Variants in DAAM1 observed in about 807,000 individuals in gnomAD.
DAAM1 encodes the protein disheveled-associated activator of morphogenesis 1.
DAAM1 carries 52 observed loss-of-function variants against 130.0 expected under a neutral mutation model. The ratio of observed to expected loss-of-function variants is 0.40; its 90% confidence interval spans 0.32 to 0.50. DAAM1 has a LOEUF of 0.50. Ranked by LOEUF, DAAM1 falls within the 20% of genes least tolerant of loss-of-function variation. The probability of loss-of-function intolerance (pLI) is 0.61; values close to 1 mark genes in which losing one functional copy is unlikely to be tolerated. For missense variants in DAAM1, 1,134 were observed against 1,303.8 expected (o/e 0.87, Z 2.01); for synonymous variants, 452 against 444.5 (o/e 1.02, Z -0.21).
At chr14:59,320,781 C>A (rs979360285) in intron 5 of DAAM1, among the ~76,000 whole-genome samples, 197 bp downstream of exon 5, 11 of 151,434 alleles carry the variant, frequency 7.3e-5, no homozygotes, top group African/African-American at 2.7e-4. Flanking sequence ...TAAAAAAAAA[C>A]AAAACAGAGA....
At chr14:59,288,057 C>G (rs1883541746) in intron 2 of DAAM1, among the ~76,000 whole-genome samples, 1 of 152,152 alleles carries the variant, frequency 6.6e-6, no homozygotes, top group South Asian at 2.1e-4. Flanking sequence ...CATCATGGTA[C>G]TGGTATAAAA....
chr14:59,275,895 G>A (rs1566679901), intron 2 of DAAM1, among the ~76,000 whole-genome samples: 1 of 152,122 alleles, frequency 6.6e-6, no homozygotes, highest in Non-Finnish European at 1.5e-5. Context: ...GAGTCATATT[G>A]TGGTATTTCA....
At chr14:59,330,746 C>A in intron 13 of DAAM1, 58 bp downstream of exon 13, 1 of 1,501,884 alleles carries the variant, frequency 6.7e-7, no homozygotes, top group South Asian at 1.3e-5. Flanking sequence ...CCCTAGAGCC[C>A]CTCACCCTTA....
At position 59,347,604 on chromosome 14, in the gene DAAM1, C is replaced by T. The variant is rs776038942; in HGVS notation, c.2141C>T (p.Pro714Leu). The change falls in exon 17 of 25, where the codon CCC becomes CTC. Residue 714 changes from proline (P) to leucine (L), a missense_variant. Coordinates refer to ENST00000360909, the MANE Select transcript of DAAM1 (RefSeq NM_001270520.2). ...ILTMDEQEDL[P>L]KDMLEQLLKF... ...ACAATGGACGAACAGGAAGATCTGC[C>T]CAAGGACATGTTGGAACAGGTGAGC... is the stretch of plus-strand genomic sequence containing the variant. The T allele has an allele frequency of 5.0e-6, 8 of 1,613,700 alleles. No homozygotes were observed. In the South Asian group the frequency reaches 8.8e-5, roughly 18 times the overall value.
chr14:59,311,576 C>G lies in DAAM1; in HGVS notation c.274-3704C>G, dbSNP rs577209140. Among the ~76,000 whole-genome samples, 571 of 150,494 alleles carry G rather than the reference C, an allele frequency of 3.8e-3. 5 individuals carry two copies. Among genetic ancestry groups the G allele is most frequent in the African/African-American group, 0.013 (521 of 40,788 alleles). ...AAGTTAAAAAAAAAAAAAAAGAAAACCTTCCCTTCTGTTATCCAGAGGTAG... is the reference window on the plus strand; with the variant it reads ...AAGTTAAAAAAAAAAAAAAAGAAAAGCTTCCCTTCTGTTATCCAGAGGTAG... On this transcript the variant is annotated intron_variant, in intron 3 of 24. Transcript: ENST00000360909.
At chr14:59,340,943 A>G (rs1472877552) in intron 16 of DAAM1, among the ~76,000 whole-genome samples, 1 of 152,244 alleles carries the variant, frequency 6.6e-6, no homozygotes, top group Non-Finnish European at 1.5e-5. Flanking sequence ...GGCTTTAAAG[A>G]TAAGTTACAT....
At chr14:59,218,833 T>G (rs1015212072) in intron 1 of DAAM1, among the ~76,000 whole-genome samples, 10 of 152,212 alleles carry the variant, frequency 6.6e-5, no homozygotes, top group Admixed American at 5.9e-4. Flanking sequence ...ATTCACAAGT[T>G]ATAAATTTAT....
At chr14:59,328,791 C>G (rs72726383) in intron 12 of DAAM1, among the ~76,000 whole-genome samples, 5,982 of 152,232 alleles carry the variant, frequency 0.039, 178 homozygotes, top group Admixed American at 0.08. Flanking sequence ...AGAAAATCAC[C>G]AATGTCAGTG....
At chr14:59,226,008 G>A (rs1888932973) in intron 1 of DAAM1, among the ~76,000 whole-genome samples, 1 of 152,140 alleles carries the variant, frequency 6.6e-6, no homozygotes, top group Admixed American at 6.5e-5. Flanking sequence ...CAACTCTAAG[G>A]AGTCTAATGC....
chr14:59,214,824 G>A (rs548830102), intron 1 of DAAM1, among the ~76,000 whole-genome samples: 8 of 152,250 alleles, frequency 5.3e-5, no homozygotes, highest in South Asian at 4.1e-4. Context: ...GTATTTGTGC[G>A]AACATGCGTT....
intron 1 of DAAM1, among the ~76,000 whole-genome samples, chr14:59,222,055 C>T (rs1197167393): frequency 1.3e-5 from 2 of 152,184 alleles, no homozygotes; most frequent in African/African-American, 4.8e-5. Flanking sequence ...GCTCCAAGCC[C>T]TGCAAGGTGT....
chr14:59,330,648 A>G lies in DAAM1; in HGVS notation c.1520A>G (p.Gln507Arg), dbSNP rs1198820698. 5 of 1,613,786 alleles carry G rather than the reference A, an allele frequency of 3.1e-6. No individual in the cohort carries two copies. The highest frequency in any genetic ancestry group is 1.3e-5 in the African/African-American group (1 of 74,916). Residue 507 changes from glutamine to arginine, a missense_variant, in exon 13 of 25, where the codon CAG (glutamine) becomes CGG (arginine). By Grantham distance (43) the Gln-to-Arg change is conservative (BLOSUM62 1). Coordinates refer to ENST00000360909, the MANE Select transcript of DAAM1 (RefSeq NM_001270520.2). The part of the protein sequence containing the change: ...ETTEHKQVKQ[Q>R]VADLTAQLHE... ...ACTGAGCATAAGCAAGTCAAGCAGCAGGTGGCGGACCTCACAGCACAGCTC... is the reference window on the plus strand; with the variant it reads ...ACTGAGCATAAGCAAGTCAAGCAGCGGGTGGCGGACCTCACAGCACAGCTC...
chr14:59,189,595 G>T (rs1887664814), intron 1 of DAAM1, among the ~76,000 whole-genome samples: 1 of 152,164 alleles, frequency 6.6e-6, no homozygotes, highest in Admixed American at 6.5e-5. Context: ...AGGTGGTAGC[G>T]CGGGGGTGGA....
chr14:59,270,395 T>C (rs1219146299), intron 2 of DAAM1, among the ~76,000 whole-genome samples: 1 of 152,110 alleles, frequency 6.6e-6, no homozygotes, highest in Non-Finnish European at 1.5e-5. Flanking sequence ...TGGCAGGTGC[T>C]AGGCTCTTTT....
At chr14:59,296,659 TTTGACCCACCA>T (rs1883965265) in intron 3 of DAAM1, among the ~76,000 whole-genome samples, 1 of 152,214 alleles carries the variant, frequency 6.6e-6, no homozygotes. Flanking sequence ...CTTTTACCAC[TTTGACCCACCA>T]TTGGTTACAG....
chr14:59,351,695 C>G (rs766071220), intron 17 of DAAM1, among the ~76,000 whole-genome samples: 1 of 151,656 alleles, frequency 6.6e-6, no homozygotes, highest in African/African-American at 2.4e-5. Flanking sequence ...CTAAATGGAT[C>G]GTCTAATTCC....
At chr14:59,228,219 T>C (rs1445750045) in intron 1 of DAAM1, among the ~76,000 whole-genome samples, 2 of 152,176 alleles carry the variant, frequency 1.3e-5, no homozygotes, top group East Asian at 3.8e-4. Flanking sequence ...TCTGTCATTC[T>C]CTATTCATCT....
At chr14:59,189,077 A>G (rs1481731130) in intron 1 of DAAM1, among the ~76,000 whole-genome samples, 1 of 152,138 alleles carries the variant, frequency 6.6e-6, no homozygotes, top group East Asian at 1.9e-4. Context: ...CTTTCTTTCT[A>G]AGGCGCCCGG....
chr14:59,333,137 G>A (rs1316660064), intron 15 of DAAM1, among the ~76,000 whole-genome samples: 2 of 151,992 alleles, frequency 1.3e-5, no homozygotes, highest in African/African-American at 4.8e-5. Context: ...GAAATGGGGG[G>A]GAAAAGCCAA....
Sources: gnomAD v4.1 joint callset for allele counts (sites outside exome capture counted in the v4.1 genomes callset) on GRCh38, gnomAD v4.1.1 for gene constraint, MANE v1.5 for transcripts, NCBI Gene and HGNC (gene_info 2026-07-23, HGNC 2026-07-21) for gene names.